SDC3: variants seen among roughly 807,000 people sequenced by gnomAD.
SDC3 encodes syndecan 3.
A neutral mutation model predicts 24.4 loss-of-function variants in SDC3; 13 were observed. The ratio of observed to expected loss-of-function variants is 0.53; its 90% CI spans 0.35 to 0.85. SDC3 has a LOEUF of 0.85. SDC3 is among the 40% of genes least tolerant of loss of function. The probability of loss-of-function intolerance (pLI) is 0.01; values close to 1 mark genes in which losing one functional copy is unlikely to be tolerated. For missense variants in SDC3, 571 were observed against 584.5 expected, an observed-to-expected ratio of 0.98 and a Z score of 0.24; for synonymous variants, 295 against 260.9, an observed-to-expected ratio of 1.13 and a Z score of -1.26.
At chr1:30,907,918 G>C (rs923042217) in intron 1 of SDC3, among the ~76,000 whole-genome samples, 1 of 152,160 alleles carries the variant, frequency 6.6e-6, no homozygotes, top group African/African-American at 2.4e-5. Flanking sequence ...GAACCGATCC[G>C]ATTCCCAAAA....
rs1450144834 is a variant in SDC3, at chr1:30,908,528, CCGGCCCCGGCGCCGGCCCCGTGGG to C, written c.35_58del (p.Ala12_Ala19del). The C allele has an allele frequency of 7.5e-5, 70 of 935,406 alleles. No homozygotes were observed. Among genetic ancestry groups the C allele is most frequent in the African/African-American group, 4.1e-4 (22 of 53,920 alleles). 57.9% of individuals were successfully genotyped at this position (935,406 alleles called of 1,614,324 possible). On this transcript the variant is annotated inframe_deletion, in exon 1 of 5. Coordinates refer to ENST00000339394, the MANE Select transcript of SDC3 (RefSeq NM_014654.4). Reference sequence around the variant, plus strand: ...GCGGGCCCCGGGCCCGGCCGCGGCCCCGGCCCCGGCGCCGGCCCCGTGGGCGGCCCCGGCACGGTGCGGCGGCCC... The same window carrying C: ...GCGGGCCCCGGGCCCGGCCGCGGCCCCGGCCCCGGCACGGTGCGGCGGCCC...
intron 1 of SDC3, among the ~76,000 whole-genome samples, chr1:30,888,572 G>GCA (rs375182994): frequency 2.0e-5 from 3 of 151,820 alleles, no homozygotes; most frequent in East Asian, 1.9e-4. Context: ...GGCACACACA[G>GCA]CACACACACA....
At chr1:30,895,171 A>G in intron 1 of SDC3, among the ~76,000 whole-genome samples, 1 of 152,104 alleles carries the variant, frequency 6.6e-6, no homozygotes, top group Non-Finnish European at 1.5e-5. Flanking sequence ...ACTTTTTCCT[A>G]CAAAGACACC....
At chr1:30,886,070 C>T (rs898122226) in intron 1 of SDC3, among the ~76,000 whole-genome samples, 3 of 152,120 alleles carry the variant, frequency 2.0e-5, no homozygotes, top group African/African-American at 7.2e-5. Flanking sequence ...ACTGAGGCCC[C>T]GTTTCCAGAC....
At chr1:30,876,443 T>A (rs1013629520) in intron 3 of SDC3, 109 bp downstream of exon 3, 51 of 938,646 alleles carry the variant, frequency 5.4e-5, no homozygotes, top group Non-Finnish European at 7.0e-5. Context: ...TTTGTCTGGC[T>A]CATCTCTATA....
Position 30,897,848 on chromosome 1 carries a change from T to G in SDC3, c.138+10601A>C, listed in dbSNP as rs141481713. 3.4e-3 allele frequency among the ~76,000 whole-genome samples: 520 copies of G among 152,328 alleles called. 5 individuals are homozygous for G. The highest frequency in any genetic ancestry group is 5.1e-3 in the Non-Finnish European group (350 of 68,030). ...CTCCCTCATAAGGCTAAGGATTGTT[T>G]ATAGATGAAACATTTGGCCGAGTGT... On this transcript the variant is annotated intron_variant, in intron 1 of 4. Coordinates refer to ENST00000339394, the MANE Select transcript of SDC3 (RefSeq NM_014654.4).
chr1:30,869,551 A>C lies in SDC3; in HGVS notation c.*3660T>G, dbSNP rs1291716080. The C allele has an allele frequency of 6.4e-5, 25 of 392,518 alleles. No individual in the cohort carries two copies. The highest frequency in any genetic ancestry group is 9.8e-5 in the Non-Finnish European group (22 of 223,710). The allele number at this position is 392,518 out of a possible 1,614,324, so 24.3% of individuals were successfully genotyped here. ...AACAAACAAACAAAAAAAAAAAAAA[A>C]AAAAAAAAAACAAAAACAAAACCAG... is the stretch of plus-strand genomic sequence containing the variant. On this transcript the variant is annotated 3_prime_UTR_variant, in exon 5 of 5. Transcript: ENST00000339394.
chr1:30,888,302 T>C (rs920416451), intron 1 of SDC3, among the ~76,000 whole-genome samples: 1 of 152,158 alleles, frequency 6.6e-6, no homozygotes, highest in Non-Finnish European at 1.5e-5. Context: ...GGGAAGGGGC[T>C]GGAGGAGCAC....
intron 1 of SDC3, among the ~76,000 whole-genome samples, chr1:30,894,531 A>G (rs1439532398): frequency 3.7e-4 from 28 of 75,722 alleles, no homozygotes; most frequent in African/African-American, 1.5e-3. Flanking sequence ...TGAGTGGGTG[A>G]GAGTGTGCGT....
rs370797921 is a variant in SDC3, at chr1:30,876,683, T to C, written c.739A>G (p.Arg247Gly). ...CGGGAGGTAGCTGTGCTGACCAGCCTGGGTGTTGGGGCCTCGGTGTCCAAG... is the reference window on the plus strand; with the variant it reads ...CGGGAGGTAGCTGTGCTGACCAGCCCGGGTGTTGGGGCCTCGGTGTCCAAG... ...AVLDTEAPTPRLVSTATSRPR... is the reference protein window; with the variant it reads ...AVLDTEAPTPGLVSTATSRPR... The change falls in exon 3 of 5, where the codon AGG becomes GGG. Residue 247 changes from arginine (R) to glycine (G), a missense_variant. Physicochemically the swap from Arg to Gly is moderately radical, Grantham distance 125. Coordinates refer to ENST00000339394, the MANE Select transcript of SDC3 (RefSeq NM_014654.4). 2 of 1,603,540 alleles carry C rather than the reference T, an allele frequency of 1.2e-6. No individual in the cohort carries two copies. The highest frequency in any genetic ancestry group is 2.2e-5 in the East Asian group (1 of 44,766).
intron 1 of SDC3, among the ~76,000 whole-genome samples, chr1:30,884,661 G>A (rs1639802878): frequency 6.6e-6 from 1 of 152,084 alleles, no homozygotes; most frequent in Non-Finnish European, 1.5e-5. Flanking sequence ...CAGCCTCCAA[G>A]ACCGTGGACA....
intron 1 of SDC3, among the ~76,000 whole-genome samples, chr1:30,879,783 C>T (rs1639712098): frequency 6.6e-6 from 1 of 152,198 alleles, no homozygotes. Context: ...AAGCCCCCAA[C>T]TGAAGTAAAT....
At chr1:30,894,187 G>C (rs34793487) in intron 1 of SDC3, among the ~76,000 whole-genome samples, 4,590 of 151,352 alleles carry the variant, frequency 0.03, 83 homozygotes, top group Middle Eastern at 0.12. Flanking sequence ...GTGGGGGTAA[G>C]AGTGCGTGTG....
chr1:30,888,783 G>C (rs888022822), intron 1 of SDC3, among the ~76,000 whole-genome samples: 19 of 152,332 alleles, frequency 1.2e-4, no homozygotes, highest in African/African-American at 4.3e-4. Flanking sequence ...TCCTCTTCTA[G>C]GGACAGAACA....
At chr1:30,884,388 C>T (rs1639797953) in intron 1 of SDC3, among the ~76,000 whole-genome samples, 1 of 152,066 alleles carries the variant, frequency 6.6e-6, no homozygotes, top group African/African-American at 2.4e-5. Flanking sequence ...CTCCCATCTA[C>T]AAAGGCAGCT....
intron 1 of SDC3, among the ~76,000 whole-genome samples, chr1:30,893,317 C>A (rs910422719): frequency 2.3e-5 from 3 of 128,042 alleles, no homozygotes; most frequent in Admixed American, 7.3e-5. Flanking sequence ...CCCCCCCCCC[C>A]ACCATGTCTC....
chr1:30,900,674 G>A (rs111788637), intron 1 of SDC3, among the ~76,000 whole-genome samples: 7 of 152,260 alleles, frequency 4.6e-5, no homozygotes, highest in South Asian at 4.1e-4. Flanking sequence ...AGGGGGACAG[G>A]TCTAATGAGC....
intron 1 of SDC3, among the ~76,000 whole-genome samples, chr1:30,887,376 T>C (rs1344545274): frequency 1.3e-5 from 2 of 152,128 alleles, no homozygotes; most frequent in Admixed American, 1.3e-4. Context: ...TCACATCCCT[T>C]CGCCTCACTG....
rs1445211844 is a variant in SDC3 at position 30,876,824 on chromosome 1, T to C, written c.598A>G (p.Thr200Ala). Residue 200 changes from threonine to alanine, a missense_variant, in exon 3 of 5, where the codon ACT becomes GCT. This residue lies in a region of SDC3 where 497 missense variants were observed against 471.6 expected (regional missense o/e 1.05). Coordinates refer to ENST00000339394, the MANE Select transcript of SDC3 (RefSeq NM_014654.4). ...TPAAPPFTAT[T>A]AVIRTTGVRR... is the part of the protein sequence containing the mutation. ...ACGCCAGTGGTCCTTATAACAGCAG[T>C]GGTGGCCGTAAAAGGGGGTGCTGCA... 9.9e-6 allele frequency: 16 copies of C among 1,610,920 alleles called. No homozygotes were observed. The highest frequency in any genetic ancestry group is 1.3e-5 in the African/African-American group (1 of 74,642).
Sources: gnomAD v4.1 joint callset for allele counts (sites outside exome capture counted in the v4.1 genomes callset) on GRCh38, gnomAD v4.1.1 for gene constraint, gnomAD v4.1.1 regional missense constraint, MANE v1.5 for transcripts, NCBI Gene and HGNC (gene_info 2026-07-23, HGNC 2026-07-21) for gene names.